Variants in MLLT3 observed in about 807,000 individuals in gnomAD.
MLLT3 encodes the protein MLLT3 super elongation complex subunit.
In MLLT3, 4 loss-of-function variants were observed where a neutral mutation model predicts 53.2. The ratio of observed to expected loss-of-function variants is 0.08; its 90% confidence interval spans 0.04 to 0.17. The LOEUF is 0.17. Among genes scored for constraint, MLLT3 ranks in the 10% least tolerant of loss-of-function variants. The pLI is 1.00. For synonymous variants in MLLT3, 283 were observed against 230.6 expected, an observed-to-expected ratio of 1.23 and a Z score of -2.06; for missense variants, 569 against 684.0, an observed-to-expected ratio of 0.83 and a Z score of 1.87.
chr9:20,569,399 T>G (rs2131161889), intron 2 of MLLT3, among the ~76,000 whole-genome samples: 1 of 152,270 alleles, frequency 6.6e-6, no homozygotes, highest in East Asian at 1.9e-4. Context: ...ATGTTGTACC[T>G]TGAAATCTAG....
At chr9:20,508,792 A>G (rs1196186263) in intron 2 of MLLT3, among the ~76,000 whole-genome samples, 1 of 152,232 alleles carries the variant, frequency 6.6e-6, no homozygotes, top group Admixed American at 6.5e-5. Context: ...TCCAGCAAAA[A>G]CAAAATATGG....
intron 4 of MLLT3, among the ~76,000 whole-genome samples, chr9:20,426,776 C>T (rs17758371): frequency 0.014 from 2,190 of 151,514 alleles, 41 homozygotes; most frequent in African/African-American, 0.046. Flanking sequence ...ATTGCTGGGC[C>T]GTTAAAAAAA....
rs117795663 is a variant in MLLT3 at position 20,402,747 on chromosome 9, T to A, written c.1125+10974A>T. Among the ~76,000 whole-genome samples, 154 of 152,244 alleles carry A rather than the reference T, an allele frequency of 1.0e-3. 2 individuals are homozygous for A. In the East Asian group the frequency reaches 0.028, roughly 28 times the overall value. The stretch of plus-strand genomic sequence containing the variant: ...AATAAAGGATGACCAGGACACAAAG[T>A]CTATCAAAATTCTCACCAATTAACT... On this transcript the variant is annotated intron_variant, in intron 5 of 10. Coordinates refer to ENST00000380338, the MANE Select transcript of MLLT3 (RefSeq NM_004529.4).
intron 4 of MLLT3, among the ~76,000 whole-genome samples, chr9:20,433,333 G>GGGTT (rs1415229011): frequency 6.6e-6 from 1 of 152,154 alleles, no homozygotes. Context: ...AATAAATAAT[G>GGGTT]ATAGTAATAG....
At chr9:20,450,971 T>A (rs1187322732) in intron 3 of MLLT3, among the ~76,000 whole-genome samples, 2 of 152,204 alleles carry the variant, frequency 1.3e-5, no homozygotes, top group Non-Finnish European at 2.9e-5. Flanking sequence ...ATTCTACCTC[T>A]AAGAATCTCT....
chr9:20,418,233 A>G (rs1018948955), intron 4 of MLLT3: 1 of 152,212 alleles, frequency 6.6e-6, no homozygotes, highest in Non-Finnish European at 1.5e-5. Context: ...GTCAAAGGTA[A>G]GGTTCCAAAA....
intron 2 of MLLT3, among the ~76,000 whole-genome samples, chr9:20,546,211 A>C (rs1283355927): frequency 6.6e-6 from 1 of 152,224 alleles, no homozygotes; most frequent in African/African-American, 2.4e-5. Context: ...TTGTAAAAAG[A>C]GAGAATACAA....
At chr9:20,567,304 TAAAAAAAA>T (rs35505450) in intron 2 of MLLT3, among the ~76,000 whole-genome samples, 1 of 79,960 alleles carries the variant, frequency 1.3e-5, no homozygotes, top group African/African-American at 4.8e-5. Context: ...CTATATTCAG[TAAAAAAAA>T]AAAAAAAAAA....
chr9:20,402,190 T>C (rs796814740), intron 5 of MLLT3, among the ~76,000 whole-genome samples: 2 of 152,308 alleles, frequency 1.3e-5, no homozygotes, highest in African/African-American at 4.8e-5. Flanking sequence ...TCAAAGTCAA[T>C]GCTTAGGACA....
chr9:20,616,729 A>C (rs1383913261), intron 2 of MLLT3, among the ~76,000 whole-genome samples: 1 of 152,158 alleles, frequency 6.6e-6, no homozygotes, highest in Non-Finnish European at 1.5e-5. Flanking sequence ...CTACAAATAG[A>C]TATACCTCTT....
chr9:20,495,624 T>C (rs1041426413), intron 2 of MLLT3, among the ~76,000 whole-genome samples: 4 of 152,174 alleles, frequency 2.6e-5, no homozygotes, highest in Non-Finnish European at 5.9e-5. Flanking sequence ...GAACTAGATT[T>C]TTTAATAACA....
intron 2 of MLLT3, among the ~76,000 whole-genome samples, chr9:20,457,518 G>C (rs1824001723): frequency 1.3e-5 from 2 of 151,756 alleles, no homozygotes; most frequent in South Asian, 4.2e-4. Context: ...CAAAGTGTAG[G>C]GATTACAGGC....
chr9:20,437,615 T>C (rs942392152), intron 4 of MLLT3, among the ~76,000 whole-genome samples: 1 of 152,060 alleles, frequency 6.6e-6, no homozygotes, highest in African/African-American at 2.4e-5. Flanking sequence ...GTAAGAGAAA[T>C]GACTCAACTA....
At chr9:20,447,880 G>A (rs1338548607) in intron 4 of MLLT3, among the ~76,000 whole-genome samples, 1 of 152,028 alleles carries the variant, frequency 6.6e-6, no homozygotes, top group Non-Finnish European at 1.5e-5. Flanking sequence ...AATTTGAGCT[G>A]CATAGATCTT....
Position 20,363,404 on chromosome 9 carries a change from G to C in MLLT3, c.1331+72C>G, listed in dbSNP as rs1821372704. Reference sequence around the variant, plus strand: ...TTTTGGTGTTTCACACCTTTGCTGTGATTATCCCAGCAGGGCTTGTGAAAG... The same window carrying C: ...TTTTGGTGTTTCACACCTTTGCTGTCATTATCCCAGCAGGGCTTGTGAAAG... On this transcript the variant is annotated intron_variant, in intron 7 of 10. Transcript: ENST00000380338. The C allele has an allele frequency of 4.5e-6, 7 of 1,570,564 alleles. No individual in the cohort carries two copies. In the South Asian group the frequency reaches 7.1e-5, roughly 16 times the overall value.
intron 8 of MLLT3, 52 bp from the exon 9 acceptor site, chr9:20,354,931 C>T: frequency 7.5e-7 from 1 of 1,325,648 alleles, no homozygotes; most frequent in Non-Finnish European, 1.1e-6. Flanking sequence ...CATCTCTTAG[C>T]TAACCAGCCA....
chr9:20,543,149 A>C (rs1359112768), intron 2 of MLLT3, among the ~76,000 whole-genome samples: 1 of 152,190 alleles, frequency 6.6e-6, no homozygotes, highest in Admixed American at 6.5e-5. Flanking sequence ...TCTCCATATT[A>C]GCAATAACCC....
chr9:20,549,501 T>TA (rs1818874070), intron 2 of MLLT3, among the ~76,000 whole-genome samples: 1 of 152,200 alleles, frequency 6.6e-6, no homozygotes, highest in Non-Finnish European at 1.5e-5. Flanking sequence ...TTTACGTAGT[T>TA]AACTCGTTTA....
At chr9:20,531,051 T>C (rs949730319) in intron 2 of MLLT3, among the ~76,000 whole-genome samples, 2 of 151,460 alleles carry the variant, frequency 1.3e-5, no homozygotes, top group African/African-American at 2.4e-5. Context: ...AAAAGAAAAA[T>C]CCAAGAATAA....
Sources: gnomAD v4.1 joint callset for allele counts (sites outside exome capture counted in the v4.1 genomes callset) on GRCh38, gnomAD v4.1.1 for gene constraint, MANE v1.5 for transcripts, NCBI Gene and HGNC (gene_info 2026-07-23, HGNC 2026-07-21) for gene names.